The following LRRC4C variants were observed in gnomAD, a reference collection of about 807,000 sequenced individuals.
LRRC4C encodes leucine rich repeat containing 4C, also known as leucine-rich repeat-containing protein 4C.
LRRC4C carries 5 observed loss-of-function variants against 33.6 expected under a neutral mutation model. The ratio of observed to expected loss-of-function variants is 0.15; its 90% CI spans 0.08 to 0.31. The LOEUF (loss-of-function observed/expected upper bound fraction) is 0.31, where lower values mean the gene tolerates loss of function less well. Ranked by LOEUF, LRRC4C falls within the 10% of genes least tolerant of loss-of-function variation. LRRC4C has a pLI of 1.00. For missense variants in LRRC4C, 560 were observed against 796.7 expected, an observed-to-expected ratio of 0.70 and a Z score of 3.58; for synonymous variants, 329 against 302.0, an observed-to-expected ratio of 1.09 and a Z score of -0.93.
chr11:41,425,191 CA>C (rs1215963510), intron 1 of LRRC4C, among the ~76,000 whole-genome samples: 1 of 151,938 alleles, frequency 6.6e-6, no homozygotes, highest in Non-Finnish European at 1.5e-5. Context: ...GGGCTCGGTG[CA>C]TCAAATTAAT....
intron 1 of LRRC4C, among the ~76,000 whole-genome samples, chr11:40,958,987 G>T (rs1320721414): frequency 1.3e-5 from 2 of 151,706 alleles, no homozygotes; most frequent in Non-Finnish European, 3.0e-5. Flanking sequence ...ACTGGAGCCA[G>T]ACTGAACCTG....
At chr11:40,125,999 T>G (rs1358878953) in intron 6 of LRRC4C, among the ~76,000 whole-genome samples, 2 of 152,142 alleles carry the variant, frequency 1.3e-5, no homozygotes, top group African/African-American at 4.8e-5. Context: ...TTTGTAAATA[T>G]GCCCAGGGCT....
intron 4 of LRRC4C, among the ~76,000 whole-genome samples, chr11:40,243,593 T>G (rs1458367909): frequency 6.6e-6 from 1 of 152,120 alleles, no homozygotes; most frequent in East Asian, 1.9e-4. Flanking sequence ...AGGTTTCCTA[T>G]GTATATCACT....
At chr11:41,031,041 A>G (rs1245877336) in intron 1 of LRRC4C, among the ~76,000 whole-genome samples, 1 of 151,928 alleles carries the variant, frequency 6.6e-6, no homozygotes, top group East Asian at 1.9e-4. Context: ...TAAATTACCA[A>G]TGCAGAACTT....
intron 1 of LRRC4C, among the ~76,000 whole-genome samples, chr11:41,201,637 G>A (rs1946402112): frequency 6.6e-6 from 1 of 152,090 alleles, no homozygotes; most frequent in Non-Finnish European, 1.5e-5. Context: ...ATATCTGCCT[G>A]TTTACAAATT....
chr11:41,455,305 C>T (rs542999255), intron 1 of LRRC4C, among the ~76,000 whole-genome samples: 31 of 152,044 alleles, frequency 2.0e-4, no homozygotes, highest in Middle Eastern at 3.4e-3. Context: ...CTGTGTATGT[C>T]CAAGTCTGGG....
chr11:41,208,093 G>T (rs1489837077), intron 1 of LRRC4C, among the ~76,000 whole-genome samples: 1 of 152,162 alleles, frequency 6.6e-6, no homozygotes, highest in Non-Finnish European at 1.5e-5. Flanking sequence ...GGAACAGAAT[G>T]TTGGTAGAAA....
intron 1 of LRRC4C, among the ~76,000 whole-genome samples, chr11:40,966,045 T>C (rs1055548728): frequency 2.0e-5 from 3 of 152,042 alleles, no homozygotes; most frequent in Non-Finnish European, 4.4e-5. Flanking sequence ...TTTATTTAAT[T>C]GAGCAGTGGT....
chr11:40,913,842 G>T (rs1022821643), intron 2 of LRRC4C, among the ~76,000 whole-genome samples: 1 of 151,790 alleles, frequency 6.6e-6, no homozygotes. Context: ...TCAAATAGAC[G>T]CAATAAAAAA....
intron 1 of LRRC4C, among the ~76,000 whole-genome samples, chr11:41,105,506 T>C (rs1180726601): frequency 6.6e-6 from 1 of 152,090 alleles, no homozygotes; most frequent in Non-Finnish European, 1.5e-5. Flanking sequence ...CTCTCCTCAG[T>C]GATTAGCACA....
At chr11:40,538,961 T>C (rs977767086) in intron 3 of LRRC4C, among the ~76,000 whole-genome samples, 4 of 152,216 alleles carry the variant, frequency 2.6e-5, no homozygotes, top group African/African-American at 7.2e-5. Flanking sequence ...TGTCTGTTAA[T>C]ATCCTTTGCC....
At chr11:40,694,252 G>A (rs1384648462) in intron 2 of LRRC4C, among the ~76,000 whole-genome samples, 1 of 152,138 alleles carries the variant, frequency 6.6e-6, no homozygotes, top group Non-Finnish European at 1.5e-5. Flanking sequence ...CATTAGGTCT[G>A]GAACCACTGA....
intron 3 of LRRC4C, among the ~76,000 whole-genome samples, chr11:40,532,332 T>C (rs1400247106): frequency 6.6e-6 from 1 of 151,978 alleles, no homozygotes; most frequent in African/African-American, 2.4e-5. Flanking sequence ...GTGATTGTGG[T>C]ACACTCTGGC....
intron 3 of LRRC4C, among the ~76,000 whole-genome samples, chr11:40,558,453 C>T (rs1329185693): frequency 6.6e-6 from 1 of 152,160 alleles, no homozygotes; most frequent in Non-Finnish European, 1.5e-5. Context: ...AGACCAAGCA[C>T]CTTCAAGAAT....
intron 2 of LRRC4C, among the ~76,000 whole-genome samples, chr11:40,675,040 A>C (rs1944325501): frequency 6.6e-6 from 1 of 152,206 alleles, no homozygotes; most frequent in South Asian, 2.1e-4. Flanking sequence ...CCCAAAAGTC[A>C]GAGCATACAC....
At chr11:40,155,550 A>G (rs950802214) in intron 5 of LRRC4C, among the ~76,000 whole-genome samples, 6 of 152,140 alleles carry the variant, frequency 3.9e-5, no homozygotes, top group African/African-American at 1.4e-4. Flanking sequence ...TGAAATACAA[A>G]AGATCATTCA....
chr11:40,862,680 C>T (rs897853214), intron 2 of LRRC4C, among the ~76,000 whole-genome samples: 1 of 152,130 alleles, frequency 6.6e-6, no homozygotes, highest in Non-Finnish European at 1.5e-5. Context: ...GTTGGGAATA[C>T]AAGGACATCA....
chr11:40,116,354 A>C lies in LRRC4C; in HGVS notation c.-42-20T>G, dbSNP rs1423849695. On this transcript the variant is annotated intron_variant, in intron 6 of 6. Transcript: ENST00000528697. ...AACAGTCTGCAAAATACAAGCAAAA[A>C]AAACCAATTATTAGATTAGATTTAT... is the stretch of plus-strand genomic sequence containing the variant. 6.6e-7 allele frequency: 1 copy of C among 1,517,488 alleles called. No homozygotes were observed. The highest frequency in any genetic ancestry group is 8.8e-7 in the Non-Finnish European group (1 of 1,134,310). The allele number at this position is 1,517,488 out of a possible 1,614,324, so 94.0% of individuals were successfully genotyped here. A position where few individuals can be genotyped will look rare whatever the true frequency, so the allele number is the denominator to read the frequency against.
intron 4 of LRRC4C, among the ~76,000 whole-genome samples, chr11:40,260,640 C>T (rs1304104848): frequency 2.0e-5 from 3 of 151,998 alleles, no homozygotes; most frequent in Non-Finnish European, 2.9e-5. Context: ...AGCTCCCGTC[C>T]AAGGAGCTAA....
Sources: allele counts gnomAD v4.1 joint callset (sites outside exome capture counted in the v4.1 genomes callset), GRCh38; gene constraint gnomAD v4.1.1; transcripts MANE v1.5; gene names NCBI Gene and HGNC (gene_info 2026-07-23, HGNC 2026-07-21).